Variants in CFAP157 observed in about 807,000 individuals in gnomAD.
The protein encoded by CFAP157 is cilia- and flagella-associated protein 157.
In CFAP157, 43 loss-of-function variants were observed where a neutral mutation model predicts 57.8. That is an observed-to-expected ratio of 0.74 (90% confidence interval 0.58 to 0.96). CFAP157 has a LOEUF of 0.96. Among genes scored for constraint, CFAP157 ranks in the 40% least tolerant of loss-of-function variants. The pLI is 0.00. For synonymous variants in CFAP157, 267 were observed against 269.0 expected (o/e 0.99, Z 0.07); for missense variants, 606 against 655.3 (o/e 0.92, Z 0.82).
chr9:127,712,078 A>T, intron 5 of CFAP157, 121 bp from the exon 6 acceptor site: 1 of 1,504,214 alleles, frequency 6.6e-7, no homozygotes, highest in Non-Finnish European at 8.9e-7. Context: ...AGACAGGCTG[A>T]GGCTTGGGGC....
chr9:127,709,677 G>A lies in CFAP157; in HGVS notation c.417G>A (p.Thr139=), dbSNP rs1333991754. Residue 139 remains threonine, a synonymous_variant, in exon 2 of 9, where the codon ACG becomes ACA. Coordinates refer to ENST00000373295, the MANE Select transcript of CFAP157 (RefSeq NM_001012502.3). The surrounding 1 kb of genome is among the most constrained non-coding windows in gnomAD (Gnocchi z 4.7). ...EFQETKDQLT[T]ENIILGGKLA... is the part of the protein sequence containing the mutation. ...AGGAGACCAAGGACCAGCTCACCAC[G>A]GAGAACATCATCCTTGGTGAGGAGG... 11 of 1,613,368 alleles carry A rather than the reference G, an allele frequency of 6.8e-6. No individual in the cohort carries two copies. The highest frequency in any genetic ancestry group is 2.2e-5 in the South Asian group (2 of 91,036).
chr9:127,714,262 C>G lies in CFAP157; in HGVS notation c.*357C>G. 2 of 1,613,934 alleles carry G rather than the reference C, an allele frequency of 1.2e-6. No individual in the cohort carries two copies. The highest frequency in any genetic ancestry group is 2.2e-5 in the South Asian group (2 of 91,080). Reference sequence around the variant, plus strand: ...CAGGGTGCGCCGGGCGCCCGATACCCACCCGCAGCCTTGGCATTGCCTGTG... The same window carrying G: ...CAGGGTGCGCCGGGCGCCCGATACCGACCCGCAGCCTTGGCATTGCCTGTG... On this transcript the variant is annotated 3_prime_UTR_variant, in exon 9 of 9. Transcript: ENST00000373295.
intron 3 of CFAP157, 37 bp from the exon 4 acceptor site, chr9:127,711,190 GCT>G: frequency 6.3e-7 from 1 of 1,599,402 alleles, no homozygotes. Flanking sequence ...GCTTGTGCCC[GCT>G]CTGTCTGACC....
At chr9:127,710,469 T>C (rs1205897803) in intron 2 of CFAP157, 132 bp from the exon 3 acceptor site, 6 of 1,111,246 alleles carry the variant, frequency 5.4e-6, no homozygotes, top group South Asian at 3.1e-5. Context: ...TGGGGGATGG[T>C]AGACCTGCCC....
chr9:127,707,394 C>T (rs1026712858), intron 1 of CFAP157, among the ~76,000 whole-genome samples: 1 of 152,190 alleles, frequency 6.6e-6, no homozygotes, highest in African/African-American at 2.4e-5. Flanking sequence ...TGGATTTCCC[C>T]ACCTTCCCAG....
Position 127,710,767 on chromosome 9 carries a change from G to A in CFAP157, c.587+13G>A, listed in dbSNP as rs905350154. On this transcript the variant is annotated intron_variant, in intron 3 of 8. Coordinates refer to ENST00000373295, the MANE Select transcript of CFAP157 (RefSeq NM_001012502.3). ...TGGACAAGGACAGGTGGGCAAGCGG[G>A]GCACCCTTTGGGGCCTTTGGAGGCT... 1 of 1,557,398 alleles carries A rather than the reference G, an allele frequency of 6.4e-7. No individual in the cohort carries two copies. Among genetic ancestry groups the A allele is most frequent in the Non-Finnish European group, 8.7e-7 (1 of 1,149,780 alleles).
At chr9:127,713,619 G>C (rs1842822355) in intron 8 of CFAP157, 3 of 422,088 alleles carry the variant, frequency 7.1e-6, no homozygotes, top group Non-Finnish European at 1.3e-5. Flanking sequence ...TGATTCTCCT[G>C]CCTCAGTCTC....
Position 127,709,508 on chromosome 9 carries a change from T to G in CFAP157, c.248T>G (p.Ile83Ser). 1.2e-6 allele frequency: 2 copies of G among 1,613,972 alleles called. No homozygotes were observed. The highest frequency in any genetic ancestry group is 1.7e-6 in the Non-Finnish European group (2 of 1,179,992). The change falls in exon 2 of 9, where the codon ATT becomes AGT. Residue 83 changes from isoleucine to serine, a missense_variant. By Grantham distance (142) the Ile-to-Ser change is moderately radical. Coordinates refer to ENST00000373295, the MANE Select transcript of CFAP157 (RefSeq NM_001012502.3). The surrounding 1 kb of genome is among the most constrained non-coding windows in gnomAD (Gnocchi z 4.7). ...CAGCTGGCCAATAACAAGAAGGAGATTGTGGCCTTCCTCAAGCGCACGCTC... is the reference window on the plus strand; with the variant it reads ...CAGCTGGCCAATAACAAGAAGGAGAGTGTGGCCTTCCTCAAGCGCACGCTC... ...FEQLANNKKEIVAFLKRTLNQ... is the reference protein window; with the variant it reads ...FEQLANNKKESVAFLKRTLNQ...
In CFAP157 at chr9:127,715,407, TTTG is replaced by T. The variant is rs1426604451; in HGVS notation, c.*1503_*1505del. 2 of 1,364,872 alleles carry T rather than the reference TTTG, an allele frequency of 1.5e-6. No individual in the cohort carries two copies. Among genetic ancestry groups the T allele is most frequent in the South Asian group, 2.5e-5 (2 of 80,940 alleles). 84.5% of individuals were successfully genotyped at this position (1,364,872 alleles called of 1,614,324 possible). A position where few individuals can be genotyped will look rare whatever the true frequency, so the allele number is the denominator to read the frequency against. On this transcript the variant is annotated 3_prime_UTR_variant, in exon 9 of 9. Coordinates refer to ENST00000373295, the MANE Select transcript of CFAP157 (RefSeq NM_001012502.3). This position sits in a 1 kb window ranked among gnomAD's most constrained non-coding sequence, Gnocchi z 5.8. ...AGTGCAGGAACGGAGCTTCAAGAAG[TTTG>T]GAGCCCGTCGAGCACTGAACTCACC...
rs546058920 is a variant in CFAP157 at position 127,709,397 on chromosome 9, G to A, written c.162-25G>A. ...CCTGGCTTGCCCAGCCTGACCCCTG[G>A]ACCACGGCTCTGCCCCTGCCCCAGG... On this transcript the variant is annotated intron_variant, in intron 1 of 8. Transcript: ENST00000373295. The surrounding 1 kb of genome is among the most constrained non-coding windows in gnomAD (Gnocchi z 4.7). The A allele has an allele frequency of 6.2e-7, 1 of 1,608,100 alleles. No individual in the cohort carries two copies. The highest frequency in any genetic ancestry group is 1.1e-5 in the South Asian group (1 of 90,428).
At chr9:127,711,661 G>C (rs1358067028) in intron 4 of CFAP157, among the ~76,000 whole-genome samples, 159 bp from the exon 5 acceptor site, 3 of 152,164 alleles carry the variant, frequency 2.0e-5, no homozygotes, top group African/African-American at 7.2e-5. Context: ...GCCTAGCTCC[G>C]GATTGTATTT....
Position 127,713,906 on chromosome 9 carries a change from G to A in CFAP157, c.*1G>A, listed in dbSNP as rs1254521136. 3 of 1,613,670 alleles carry A rather than the reference G, an allele frequency of 1.9e-6. No individual in the cohort carries two copies. Among genetic ancestry groups the A allele is most frequent in the Non-Finnish European group, 2.5e-6 (3 of 1,179,742 alleles). On this transcript the variant is annotated 3_prime_UTR_variant, in exon 9 of 9. Coordinates refer to ENST00000373295, the MANE Select transcript of CFAP157 (RefSeq NM_001012502.3). ...TGAAGTTCCCCTACGTCCCAAGTAG[G>A]ACACAGAGAGAAGAACCTACTCCAG...
At position 127,713,817 on chromosome 9, in the gene CFAP157, C is replaced by T. The variant is rs1423067185; in HGVS notation, c.1492-17C>T. On this transcript the variant is annotated splice_polypyrimidine_tract_variant and intron_variant, in intron 8 of 8. Coordinates refer to ENST00000373295, the MANE Select transcript of CFAP157 (RefSeq NM_001012502.3). ...CCACTGCACCCGGCCTCCAAGCCAG[C>T]ATCTTTAATCTTACAGATGCGTGCC... The T allele has an allele frequency of 6.2e-7, 1 of 1,612,656 alleles. No individual in the cohort carries two copies. The highest frequency in any genetic ancestry group is 1.1e-5 in the South Asian group (1 of 91,044).
intron 3 of CFAP157, 40 bp from the exon 4 acceptor site, chr9:127,711,189 C>G (rs773217394): frequency 6.3e-7 from 1 of 1,598,932 alleles, no homozygotes; most frequent in Non-Finnish European, 8.5e-7. Context: ...GGCTTGTGCC[C>G]GCTCTGTCTG....
chr9:127,713,328 C>A, intron 8 of CFAP157, 122 bp downstream of exon 8: 1 of 767,916 alleles, frequency 1.3e-6, no homozygotes, highest in Non-Finnish European at 2.0e-6. Context: ...TGAGCCTTCC[C>A]ATCTGTAAAA....
Position 127,713,759 on chromosome 9 carries a change from G to A in CFAP157, c.1492-75G>A, listed in dbSNP as rs569659059. 350 of 1,249,284 alleles carry A rather than the reference G, an allele frequency of 2.8e-4. 1 individual carries two copies. The South Asian group carries it at 3.6e-3, about 13-fold the overall frequency. 77.4% of individuals were successfully genotyped at this position (1,249,284 alleles called of 1,614,324 possible). A position where few individuals can be genotyped will look rare whatever the true frequency, so the allele number is the denominator to read the frequency against. On this transcript the variant is annotated intron_variant, in intron 8 of 8. Transcript: ENST00000373295. ...TGACGTCAAGCAATCCCCCAGCCTCGGCCTCCCAAAGTGCTGGGATTATAG... is the reference window on the plus strand; with the variant it reads ...TGACGTCAAGCAATCCCCCAGCCTCAGCCTCCCAAAGTGCTGGGATTATAG...
Position 127,714,223 on chromosome 9 carries a change from G to A in CFAP157, c.*318G>A, listed in dbSNP as rs763807558. 1.3e-5 allele frequency: 21 copies of A among 1,613,944 alleles called. No homozygotes were observed. The highest frequency in any genetic ancestry group is 2.2e-5 in the South Asian group (2 of 91,086). On this transcript the variant is annotated 3_prime_UTR_variant, in exon 9 of 9. Transcript: ENST00000373295. ...CAGGGGAGAAGCAGCCCAGCACATGGGCCTGAACCGCCTCAGGGTGCGCCG... is the reference window on the plus strand; with the variant it reads ...CAGGGGAGAAGCAGCCCAGCACATGAGCCTGAACCGCCTCAGGGTGCGCCG...
At position 127,709,383 on chromosome 9, in the gene CFAP157, C is replaced by T; in HGVS notation, c.162-39C>T. 6.3e-7 allele frequency: 1 copy of T among 1,597,410 alleles called. No homozygotes were observed. The highest frequency in any genetic ancestry group is 8.5e-7 in the Non-Finnish European group (1 of 1,171,318). ...AGCTGCACCAGAGGCCTGGCTTGCC[C>T]AGCCTGACCCCTGGACCACGGCTCT... On this transcript the variant is annotated intron_variant, in intron 1 of 8. Transcript: ENST00000373295. The surrounding 1 kb of genome is among the most constrained non-coding windows in gnomAD (Gnocchi z 4.7).
In CFAP157 at chr9:127,715,417, G is replaced by C; in HGVS notation, c.*1512G>C. On this transcript the variant is annotated 3_prime_UTR_variant, in exon 9 of 9. Transcript: ENST00000373295. The surrounding 1 kb of genome is among the most constrained non-coding windows in gnomAD (Gnocchi z 5.8). ...CGGAGCTTCAAGAAGTTTGGAGCCC[G>C]TCGAGCACTGAACTCACCAGTTAAG... is the stretch of plus-strand genomic sequence containing the variant. 3 of 1,395,518 alleles carry C rather than the reference G, an allele frequency of 2.1e-6. No homozygotes were observed. The highest frequency in any genetic ancestry group is 3.0e-6 in the Non-Finnish European group (3 of 1,010,254). 86.4% of individuals were successfully genotyped at this position (1,395,518 alleles called of 1,614,324 possible).
Sources: gnomAD v4.1 joint callset for allele counts (sites outside exome capture counted in the v4.1 genomes callset) on GRCh38, gnomAD v4.1.1 for gene constraint, Gnocchi (gnomAD v3.1) non-coding constraint, MANE v1.5 for transcripts, NCBI Gene and HGNC (gene_info 2026-07-23, HGNC 2026-07-21) for gene names.